Variants in MDM4 observed in about 807,000 individuals in gnomAD.
MDM4 encodes MDM4 regulator of p53, also known as protein Mdm4.
Under a neutral mutation model 60.2 loss-of-function variants are expected in MDM4, and 2 were observed. The ratio of observed to expected loss-of-function variants is 0.03; its 90% CI spans 0.01 to 0.10. The LOEUF (loss-of-function observed/expected upper bound fraction) is 0.10, where lower values mean the gene tolerates loss of function less well. Among genes scored for constraint, MDM4 ranks in the 10% least tolerant of loss-of-function variants. The pLI is 1.00. For missense variants in MDM4, 447 were observed against 577.5 expected, an observed-to-expected ratio of 0.77 and a Z score of 2.32; for synonymous variants, 202 against 198.1, an observed-to-expected ratio of 1.02 and a Z score of -0.17.
chr1:204,517,241 CAA>C (rs1219951720), intron 1 of MDM4, among the ~76,000 whole-genome samples: 3 of 105,332 alleles, frequency 2.8e-5, no homozygotes, highest in Admixed American at 2.0e-4. Flanking sequence ...GATTCCGTCT[CAA>C]AAAAAAAAAA....
At chr1:204,537,368 T>G in intron 5 of MDM4, 62 bp from the exon 6 acceptor site, 2 of 1,354,494 alleles carry the variant, frequency 1.5e-6, no homozygotes. Context: ...TGAGGTCCTT[T>G]TTGTGTGGAA....
In MDM4 at chr1:204,551,252, C is replaced by T. The variant is rs879677574; in HGVS notation, c.*1570C>T. 2.2e-4 allele frequency: 48 copies of T among 222,486 alleles called. 1 individual carries two copies. The East Asian group carries it at 3.1e-3, about 15-fold the overall frequency. 13.8% of individuals were successfully genotyped at this position (222,486 alleles called of 1,614,324 possible). A position where few individuals can be genotyped will look rare whatever the true frequency, so the allele number is the denominator to read the frequency against. On this transcript the variant is annotated 3_prime_UTR_variant, in exon 11 of 11. Coordinates refer to ENST00000367182, the MANE Select transcript of MDM4 (RefSeq NM_002393.5). ...GTACAGACAGCATTTTGCCATGTTG[C>T]CCAGGCTGGTCCCAAACTTCTAGCC...
chr1:204,529,498 G>C lies in MDM4; in HGVS notation c.154-1186G>C, dbSNP rs965544628. 2.0e-6 allele frequency: 3 copies of C among 1,521,222 alleles called. No individual in the cohort carries two copies. In the African/African-American group the frequency reaches 4.1e-5, roughly 21 times the overall value. The allele number at this position is 1,521,222 out of a possible 1,614,324, so 94.2% of individuals were successfully genotyped here. A position where few individuals can be genotyped will look rare whatever the true frequency, so the allele number is the denominator to read the frequency against. On this transcript the variant is annotated intron_variant, in intron 3 of 10. Coordinates refer to ENST00000367182, the MANE Select transcript of MDM4 (RefSeq NM_002393.5). ...GAGGGGAACATCCCAGGATTGAGGT[G>C]TCCATAGGGCCCTCTACCAGCTGGT...
In MDM4 at chr1:204,530,668, ATTT is replaced by A; in HGVS notation, c.154-14_154-12del. The stretch of plus-strand genomic sequence containing the variant: ...GCAGCTGGACAGATCACAACATGGT[ATTT>A]TATTCCATGCAGGTCATGCACTATT... On this transcript the variant is annotated splice_polypyrimidine_tract_variant and intron_variant, in intron 3 of 10. Coordinates refer to ENST00000367182, the MANE Select transcript of MDM4 (RefSeq NM_002393.5). 6.2e-7 allele frequency: 1 copy of A among 1,614,100 alleles called. No individual in the cohort carries two copies. The highest frequency in any genetic ancestry group is 2.2e-5 in the East Asian group (1 of 44,882).
chr1:204,553,218 A>T lies in MDM4; in HGVS notation c.*3536A>T, dbSNP rs943491610. On this transcript the variant is annotated 3_prime_UTR_variant, in exon 11 of 11. Transcript: ENST00000367182. ...TTTTTGATTTTCTTTTTTCCTTGCC[A>T]CTGCGGTACAGATTTTTTTTACTCA... 5.2e-6 allele frequency: 1 copy of T among 190,754 alleles called. No individual in the cohort carries two copies. The highest frequency in any genetic ancestry group is 2.3e-5 in the African/African-American group (1 of 43,176). The allele number at this position is 190,754 out of a possible 1,614,324, so 11.8% of individuals were successfully genotyped here.
intron 8 of MDM4, 126 bp downstream of exon 8, chr1:204,543,070 T>A (rs1485283873): frequency 1.3e-6 from 1 of 745,888 alleles, no homozygotes; most frequent in Non-Finnish European, 2.1e-6. Context: ...AAATACCATC[T>A]GTATGCATGT....
In MDM4 at chr1:204,537,420, T is replaced by C; in HGVS notation, c.344-10T>C. 6.2e-7 allele frequency: 1 copy of C among 1,610,826 alleles called. No homozygotes were observed. Among genetic ancestry groups the C allele is most frequent in the South Asian group, 1.1e-5 (1 of 90,972 alleles). ...GGGAAGGTTTTCCTTTTGTTTTACTTGCTATCCAGATGCTGCTCAGACTCT... is the reference window on the plus strand; with the variant it reads ...GGGAAGGTTTTCCTTTTGTTTTACTCGCTATCCAGATGCTGCTCAGACTCT... On this transcript the variant is annotated splice_polypyrimidine_tract_variant and intron_variant, in intron 5 of 10. Transcript: ENST00000367182.
At position 204,549,312 on chromosome 1, in the gene MDM4, C is replaced by T. The variant is rs1662979907; in HGVS notation, c.1103C>T (p.Ala368Val). 3 of 1,614,160 alleles carry T rather than the reference C, an allele frequency of 1.9e-6. No homozygotes were observed. Among genetic ancestry groups the T allele is most frequent in the African/African-American group, 1.3e-5 (1 of 75,034 alleles). Reference sequence around the variant, plus strand: ...CCTGATTGTCGAAGAACCATTTCGGCTCCTGTCGTTAGACCTAAAGATGCG... The same window carrying T: ...CCTGATTGTCGAAGAACCATTTCGGTTCCTGTCGTTAGACCTAAAGATGCG... ...DVPDCRRTIS[A>V]PVVRPKDAYI... is the part of the protein sequence containing the mutation. Residue 368 changes from alanine to valine, a missense_variant, in exon 11 of 11, where the codon GCT becomes GTT. Physicochemically the swap from Ala to Val is moderately conservative, Grantham distance 64. Around this residue, in one of 8 missense-constraint regions of MDM4, gnomAD observed 117 missense variants for 114.5 expected, o/e 1.02. Coordinates refer to ENST00000367182, the MANE Select transcript of MDM4 (RefSeq NM_002393.5).
At chr1:204,540,683 A>G (rs1558328693) in intron 7 of MDM4, among the ~76,000 whole-genome samples, 1 of 152,062 alleles carries the variant, frequency 6.6e-6, no homozygotes, top group Non-Finnish European at 1.5e-5. Flanking sequence ...TAATTGCTTG[A>G]ACCCGGGAGG....
intron 10 of MDM4, 33 bp downstream of exon 10, chr1:204,546,910 A>G: frequency 1.5e-6 from 2 of 1,343,772 alleles, no homozygotes; most frequent in Non-Finnish European, 2.1e-6. Context: ...ATTTTGCACC[A>G]GCCCCATCTT....
At position 204,519,547 on chromosome 1, in the gene MDM4, G is replaced by A. The variant is rs527431583; in HGVS notation, c.-36+3038G>A. 5.9e-5 allele frequency among the ~76,000 whole-genome samples: 9 copies of A among 152,118 alleles called. No homozygotes were observed. The South Asian group carries it at 1.9e-3, about 32-fold the overall frequency. On this transcript the variant is annotated intron_variant, in intron 1 of 10. Transcript: ENST00000367182. The stretch of plus-strand genomic sequence containing the variant: ...TATGAAAAAGAAAAATACAGTGGTT[G>A]GATTAAAGAACATTGGCCTGGCATG...
rs1377218815 is a variant in MDM4 at position 204,549,389 on chromosome 1, T to A, written c.1180T>A (p.Phe394Ile). Residue 394 changes from phenylalanine (F) to isoleucine (I), a missense_variant, in exon 11 of 11, where the codon TTC (phenylalanine) becomes ATC (isoleucine). Phe to Ile is a conservative substitution (Grantham distance 21). Around this residue, in one of 8 missense-constraint regions of MDM4, gnomAD observed 117 missense variants for 114.5 expected, o/e 1.02. Transcript: ENST00000367182. Reference protein sequence around the residue: ...KLFDPCNSVEFLDLAHSSESQ... With the variant: ...KLFDPCNSVEILDLAHSSESQ... ...TTTTGATCCCTGCAACTCAGTGGAA[T>A]TCTTGGATTTGGCTCACAGTTCTGA... 6.2e-7 allele frequency: 1 copy of A among 1,613,956 alleles called. No homozygotes were observed. Among genetic ancestry groups the A allele is most frequent in the South Asian group, 1.1e-5 (1 of 91,024 alleles).
chr1:204,542,177 A>G (rs867616420), intron 7 of MDM4, among the ~76,000 whole-genome samples: 14 of 152,238 alleles, frequency 9.2e-5, no homozygotes, highest in Admixed American at 1.3e-4. Flanking sequence ...ATGTATTTGG[A>G]CAACCTAGAG....
intron 1 of MDM4, among the ~76,000 whole-genome samples, chr1:204,524,402 T>G (rs1246867215): frequency 6.6e-6 from 1 of 152,220 alleles, no homozygotes; most frequent in Non-Finnish European, 1.5e-5. Context: ...TTCCCTGATG[T>G]GGCTTGTTAG....
At chr1:204,547,868 CAT>C (rs1056609497) in intron 10 of MDM4, among the ~76,000 whole-genome samples, 24 of 152,344 alleles carry the variant, frequency 1.6e-4, no homozygotes, top group African/African-American at 5.5e-4. Flanking sequence ...AGATTACAGA[CAT>C]GTGCCACCAT....
chr1:204,524,070 C>T (rs562444741), intron 1 of MDM4, among the ~76,000 whole-genome samples: 1 of 152,044 alleles, frequency 6.6e-6, no homozygotes, highest in Non-Finnish European at 1.5e-5. Context: ...CAGGATGGAG[C>T]AGGTGATAGA....
chr1:204,557,150 G>A lies in MDM4; in HGVS notation c.*7468G>A. The A allele has an allele frequency of 5.1e-6, 1 of 197,814 alleles. No individual in the cohort carries two copies. 12.3% of individuals were successfully genotyped at this position (197,814 alleles called of 1,614,324 possible). A position where few individuals can be genotyped will look rare whatever the true frequency, so the allele number is the denominator to read the frequency against. On this transcript the variant is annotated 3_prime_UTR_variant, in exon 11 of 11. Coordinates refer to ENST00000367182, the MANE Select transcript of MDM4 (RefSeq NM_002393.5). ...ACCTATTATGCTCTTGGTGTACCAA[G>A]CTCTGGGGTATATATTCAGAATACC...
chr1:204,518,206 A>G (rs898484232), intron 1 of MDM4, among the ~76,000 whole-genome samples: 3 of 152,166 alleles, frequency 2.0e-5, no homozygotes, highest in Non-Finnish European at 4.4e-5. Context: ...TGCAGTGGCT[A>G]TTCACAGGTG....
At chr1:204,534,061 C>T (rs1472650056) in intron 5 of MDM4, among the ~76,000 whole-genome samples, 1 of 152,142 alleles carries the variant, frequency 6.6e-6, no homozygotes, top group Non-Finnish European at 1.5e-5. Flanking sequence ...GTTGGGATTA[C>T]AGGCATGAGC....
Sources: allele counts gnomAD v4.1 joint callset (sites outside exome capture counted in the v4.1 genomes callset), GRCh38; gene constraint gnomAD v4.1.1; regional missense constraint gnomAD v4.1.1; transcripts MANE v1.5; gene names NCBI Gene and HGNC (gene_info 2026-07-23, HGNC 2026-07-21).